Variants in FARP1 observed in about 807,000 individuals in gnomAD.
FARP1 encodes the protein FERM, ARH/RhoGEF and pleckstrin domain protein 1.
A neutral mutation model predicts 128.8 loss-of-function variants in FARP1; 52 were observed. The ratio of observed to expected loss-of-function variants is 0.40; its 90% CI spans 0.32 to 0.51. The LOEUF (loss-of-function observed/expected upper bound fraction) is 0.51, where lower values mean the gene tolerates loss of function less well. FARP1 is among the 20% of genes least tolerant of loss of function. The pLI is 0.45. For missense variants in FARP1, 1,333 were observed against 1,367.9 expected (o/e 0.97, Z 0.40); for synonymous variants, 580 against 551.8 (o/e 1.05, Z -0.72).
intron 2 of FARP1, among the ~76,000 whole-genome samples, chr13:98,337,777 C>T (rs572777138): frequency 1.3e-5 from 2 of 152,182 alleles, no homozygotes; most frequent in South Asian, 2.1e-4. Flanking sequence ...TCTATCTCAT[C>T]GTTGGCTTTC....
chr13:98,235,837 C>T (rs112852761), intron 2 of FARP1, among the ~76,000 whole-genome samples: 70,144 of 141,188 alleles, frequency 0.5, 19,539 homozygotes, highest in African/African-American at 0.79. Flanking sequence ...TTTTTTTTTT[C>T]CCTGAGACAG....
intron 8 of FARP1, among the ~76,000 whole-genome samples, chr13:98,386,458 C>T (rs1200736497): frequency 6.6e-6 from 1 of 152,144 alleles, no homozygotes; most frequent in Non-Finnish European, 1.5e-5. Flanking sequence ...TTGATCAATG[C>T]TTCTCTCTTA....
chr13:98,164,454 A>G (rs2139139749), intron 1 of FARP1, among the ~76,000 whole-genome samples: 1 of 152,350 alleles, frequency 6.6e-6, no homozygotes, highest in Admixed American at 6.5e-5. Flanking sequence ...GTTTATGCTC[A>G]AAAGCCTTTT....
Position 98,323,451 on chromosome 13 carries a change from TA to T in FARP1, c.172-20310del, listed in dbSNP as rs567149888. Among the ~76,000 whole-genome samples, 118 of 143,306 alleles carry T rather than the reference TA, an allele frequency of 8.2e-4. 3 individuals carry two copies. The South Asian group carries it at 0.025, about 30-fold the overall frequency. The allele number at this position is 143,306 out of a possible 152,430, so 94.0% of individuals were successfully genotyped here. A position where few individuals can be genotyped will look rare whatever the true frequency, so the allele number is the denominator to read the frequency against. ...GAGATGTGGTTGTTTACAGTAGAAGTATTTTTTTTTTCCATTTGAGGCTTCC... is the reference window on the plus strand; with the variant it reads ...GAGATGTGGTTGTTTACAGTAGAAGTTTTTTTTTTTCCATTTGAGGCTTCC... On this transcript the variant is annotated intron_variant, in intron 2 of 26. Transcript: ENST00000319562.
chr13:98,312,506 A>C (rs1268225375), intron 2 of FARP1, among the ~76,000 whole-genome samples: 2 of 152,204 alleles, frequency 1.3e-5, no homozygotes, highest in Non-Finnish European at 2.9e-5. Context: ...TCAAACTGTA[A>C]GTATTCAAGA....
At chr13:98,171,822 TGA>T (rs1877672305) in intron 1 of FARP1, among the ~76,000 whole-genome samples, 1 of 152,212 alleles carries the variant, frequency 6.6e-6, no homozygotes, top group African/African-American at 2.4e-5. Flanking sequence ...TGAACTCGTC[TGA>T]GAGTGTGAAT....
chr13:98,362,310 C>T (rs184194959), intron 3 of FARP1, among the ~76,000 whole-genome samples: 3 of 152,300 alleles, frequency 2.0e-5, no homozygotes, highest in East Asian at 3.9e-4. Flanking sequence ...CAGCTACCCC[C>T]CATTCTGTTG....
At chr13:98,182,077 T>TAA (rs61653439) in intron 1 of FARP1, among the ~76,000 whole-genome samples, 171 of 148,238 alleles carry the variant, frequency 1.2e-3, no homozygotes, top group Middle Eastern at 3.5e-3. Context: ...CTTTGAAAGC[T>TAA]AAAAAAAAAA....
intron 1 of FARP1, among the ~76,000 whole-genome samples, chr13:98,165,746 C>G (rs1442159353): frequency 4.3e-5 from 2 of 46,946 alleles, no homozygotes; most frequent in South Asian, 7.8e-4. Flanking sequence ...TTTTTTTTGT[C>G]TCACTCTGTC....
chr13:98,317,021 T>G (rs543917584), intron 2 of FARP1, among the ~76,000 whole-genome samples: 3 of 152,276 alleles, frequency 2.0e-5, no homozygotes, highest in Admixed American at 6.5e-5. Context: ...TAGGGCTTCC[T>G]TTTGGAGAAC....
At chr13:98,218,793 C>T (rs988435570) in intron 2 of FARP1, among the ~76,000 whole-genome samples, 1 of 152,126 alleles carries the variant, frequency 6.6e-6, no homozygotes, top group Non-Finnish European at 1.5e-5. Flanking sequence ...GCTGTTTGAC[C>T]ATGGGAAATG....
chr13:98,224,292 C>T (rs1312306168), intron 2 of FARP1, among the ~76,000 whole-genome samples: 4 of 152,054 alleles, frequency 2.6e-5, no homozygotes, highest in African/African-American at 7.2e-5. Context: ...CTTTGGGAGG[C>T]CGAGGCAGGT....
chr13:98,444,795 GAGTC>G (rs1256879813), intron 24 of FARP1, among the ~76,000 whole-genome samples: 11 of 152,192 alleles, frequency 7.2e-5, no homozygotes, highest in Non-Finnish European at 1.5e-4. Flanking sequence ...AAAATTATGT[GAGTC>G]AGTATGAAAA....
In FARP1 at chr13:98,213,406, A is replaced by C; in HGVS notation, c.164A>C (p.Glu55Ala). ...QMLDDTQEAF[E>A]VPQRAPGKVL... is the part of the protein sequence containing the mutation. The stretch of plus-strand genomic sequence containing the variant: ...CTGGATGACACCCAGGAGGCATTTG[A>C]AGTTCCAGTAAGTTGGGGGCTTATC... Residue 55 changes from glutamate (E) to alanine (A), a missense_variant, in exon 2 of 27, where the codon GAA becomes GCA. Glu to Ala is a moderately radical substitution (Grantham distance 107). Coordinates refer to ENST00000319562, the MANE Select transcript of FARP1 (RefSeq NM_005766.4). 1 of 1,613,494 alleles carries C rather than the reference A, an allele frequency of 6.2e-7. No individual in the cohort carries two copies.
chr13:98,186,587 A>G (rs1878887329), intron 1 of FARP1, among the ~76,000 whole-genome samples: 2 of 152,192 alleles, frequency 1.3e-5, no homozygotes, highest in African/African-American at 4.8e-5. Flanking sequence ...ATGTTGTAGC[A>G]TGCGTCAGAA....
Position 98,431,171 on chromosome 13 carries a change from C to G in FARP1, c.2034C>G (p.Leu678=). 2 of 1,613,836 alleles carry G rather than the reference C, an allele frequency of 1.2e-6. No individual in the cohort carries two copies. Among genetic ancestry groups the G allele is most frequent in the Non-Finnish European group, 1.7e-6 (2 of 1,179,868 alleles). ...TGCAGAAGGTGTGTTACCTACCGCT[C>G]AACACCTTCCTCCTGCGGCCACTGC... ...FELQKVCYLP[L]NTFLLRPLHR... Residue 678 remains leucine, a synonymous_variant, in exon 18 of 27, where the codon CTC becomes CTG. Transcript: ENST00000319562.
intron 1 of FARP1, among the ~76,000 whole-genome samples, chr13:98,181,570 C>T (rs1878513125): frequency 6.6e-6 from 1 of 151,324 alleles, no homozygotes; most frequent in South Asian, 2.1e-4. Flanking sequence ...AAAAACCTCA[C>T]CCTAAATCTT....
chr13:98,179,189 A>AG (rs2139194597), intron 1 of FARP1, among the ~76,000 whole-genome samples: 1 of 148,584 alleles, frequency 6.7e-6, no homozygotes, highest in African/African-American at 2.4e-5. Context: ...AGAAGGTGAA[A>AG]GGCATGTCTC....
chr13:98,377,918 T>C lies in FARP1; in HGVS notation c.496T>C (p.Ser166Pro), dbSNP rs1164223525. The C allele has an allele frequency of 6.2e-7, 1 of 1,603,970 alleles. No homozygotes were observed. Among genetic ancestry groups the C allele is most frequent in the Admixed American group, 1.7e-5 (1 of 59,996 alleles). Residue 166 changes from serine (S) to proline (P), a missense_variant and splice_region_variant, in exon 6 of 27, where the codon TCT becomes CCT. By Grantham distance (74) the Ser-to-Pro change is moderately conservative. This residue lies in a region of FARP1 where 324 missense variants were observed against 398.1 expected (regional missense o/e 0.81). Coordinates refer to ENST00000319562, the MANE Select transcript of FARP1 (RefSeq NM_005766.4). The part of the protein sequence containing the change: ...AALLISHIVQ[S>P]EIGDFDEALD... The stretch of plus-strand genomic sequence containing the variant: ...TCTCTTGATTTCACACATTGTGCAA[T>C]GTAAGTTCTATTGGTTTCCTTTGAA...
Sources: gnomAD v4.1 joint callset for allele counts (sites outside exome capture counted in the v4.1 genomes callset) on GRCh38, gnomAD v4.1.1 for gene constraint, gnomAD v4.1.1 regional missense constraint, MANE v1.5 for transcripts, NCBI Gene and HGNC (gene_info 2026-07-23, HGNC 2026-07-21) for gene names.